Variants in GABRB2 observed in about 807,000 individuals in gnomAD.
GABRB2 encodes the protein gamma-aminobutyric acid receptor subunit beta-2.
GABRB2 carries 16 observed loss-of-function variants against 54.7 expected under a neutral mutation model. That is an observed-to-expected ratio of 0.29 (90% confidence interval 0.20 to 0.44). The LOEUF is 0.44. GABRB2 is among the 20% of genes least tolerant of loss of function. The pLI is 1.00. For synonymous variants in GABRB2, 244 were observed against 233.8 expected (o/e 1.04, Z -0.40); for missense variants, 355 against 644.0 (o/e 0.55, Z 4.86).
In GABRB2 at chr5:161,441,715, CA is replaced by C. The variant is rs1757470550; in HGVS notation, c.458+17908del. ...TGGAAGCAACCTAACTGTCCATCAA[CA>C]GATGAATGAATAAAGAAAATGTGAT... On this transcript the variant is annotated intron_variant, in intron 4 of 9. Coordinates refer to ENST00000393959, the MANE Select transcript of GABRB2 (RefSeq NM_001371727.1). Among the ~76,000 whole-genome samples, 4 of 152,096 alleles carry C rather than the reference CA, an allele frequency of 2.6e-5. No homozygotes were observed. The South Asian group carries it at 8.3e-4, about 32-fold the overall frequency.
intron 3 of GABRB2, among the ~76,000 whole-genome samples, chr5:161,499,443 G>A (rs965373770): frequency 6.6e-6 from 1 of 152,094 alleles, no homozygotes; most frequent in Non-Finnish European, 1.5e-5. Context: ...CTTGTCAGCT[G>A]TGAAAGTTCA....
intron 7 of GABRB2, among the ~76,000 whole-genome samples, chr5:161,332,684 C>G (rs2113401373): frequency 6.6e-6 from 1 of 152,286 alleles, no homozygotes; most frequent in Non-Finnish European, 1.5e-5. Flanking sequence ...CTTTCTGACT[C>G]AGGAATCCAG....
intron 4 of GABRB2, among the ~76,000 whole-genome samples, chr5:161,454,590 T>A (rs1757894579): frequency 6.6e-6 from 1 of 152,180 alleles, no homozygotes; most frequent in Non-Finnish European, 1.5e-5. Context: ...AAATATTAAG[T>A]GGTACTGAGC....
intron 9 of GABRB2, among the ~76,000 whole-genome samples, chr5:161,296,664 TA>T (rs33932697): frequency 0.16 from 23,550 of 150,504 alleles, 2,783 homozygotes; most frequent in African/African-American, 0.32. Flanking sequence ...ATTCATGAAT[TA>T]AAAAAAAAAT....
At chr5:161,393,990 T>C (rs1340233126) in intron 5 of GABRB2, among the ~76,000 whole-genome samples, 1 of 152,044 alleles carries the variant, frequency 6.6e-6, no homozygotes, top group Admixed American at 6.6e-5. Context: ...TGGACAATTC[T>C]CCATAAATTT....
chr5:161,401,358 G>T (rs1015023251), intron 5 of GABRB2, among the ~76,000 whole-genome samples: 13 of 152,016 alleles, frequency 8.6e-5, no homozygotes, highest in African/African-American at 3.1e-4. Flanking sequence ...TGTACTTGGG[G>T]TCCCCTTTAC....
chr5:161,330,574 A>G (rs1753808497), intron 8 of GABRB2: 1 of 218,294 alleles, frequency 4.6e-6, no homozygotes, highest in Admixed American at 5.4e-5. Context: ...TTTTAAATAA[A>G]TTAGGTGAAT....
intron 5 of GABRB2, among the ~76,000 whole-genome samples, chr5:161,366,357 C>T (rs1010509447): frequency 2.6e-5 from 4 of 151,964 alleles, no homozygotes; most frequent in African/African-American, 9.7e-5. Flanking sequence ...TTGCTCTTAG[C>T]CATGAAATAG....
At chr5:161,518,501 TA>T (rs1760019139) in intron 3 of GABRB2, among the ~76,000 whole-genome samples, 1 of 152,178 alleles carries the variant, frequency 6.6e-6, no homozygotes, top group African/African-American at 2.4e-5. Context: ...TGGTTCATAG[TA>T]AAAAATCGCA....
At chr5:161,299,289 A>C (rs1200350226) in intron 9 of GABRB2, among the ~76,000 whole-genome samples, 1 of 152,164 alleles carries the variant, frequency 6.6e-6, no homozygotes, top group Non-Finnish European at 1.5e-5. Context: ...CTGTGGGTGT[A>C]GGCCAATCAG....
At chr5:161,417,198 T>C (rs963156192) in intron 4 of GABRB2, among the ~76,000 whole-genome samples, 2 of 152,232 alleles carry the variant, frequency 1.3e-5, no homozygotes, top group African/African-American at 4.8e-5. Flanking sequence ...TATGCTCTTA[T>C]GTTTTGTAGA....
chr5:161,489,969 C>T (rs549020743), intron 3 of GABRB2, among the ~76,000 whole-genome samples: 27 of 151,626 alleles, frequency 1.8e-4, no homozygotes, highest in Middle Eastern at 3.4e-3. Flanking sequence ...TCAGGGGATA[C>T]GGAAAATGAT....
chr5:161,387,268 T>A (rs1330848167), intron 5 of GABRB2, among the ~76,000 whole-genome samples: 2 of 152,038 alleles, frequency 1.3e-5, no homozygotes, highest in South Asian at 2.1e-4. Context: ...TATGTTGGAA[T>A]TGTTGGTATA....
intron 5 of GABRB2, among the ~76,000 whole-genome samples, chr5:161,408,750 G>C (rs1318359441): frequency 1.3e-5 from 2 of 151,956 alleles, no homozygotes; most frequent in Non-Finnish European, 2.9e-5. Flanking sequence ...GAAGGACAGA[G>C]AGAAGGATAA....
intron 5 of GABRB2, among the ~76,000 whole-genome samples, chr5:161,373,117 G>A (rs1047492612): frequency 1.1e-4 from 16 of 152,038 alleles, no homozygotes; most frequent in Non-Finnish European, 1.5e-5. Flanking sequence ...GCAAATGTGT[G>A]TTACATAAAG....
chr5:161,492,182 A>G (rs1008212778), intron 3 of GABRB2, among the ~76,000 whole-genome samples: 1 of 151,600 alleles, frequency 6.6e-6, no homozygotes, highest in African/African-American at 2.4e-5. Context: ...CTTAAAATTG[A>G]CTCATAAAAT....
rs138603109 is a variant in GABRB2, at chr5:161,399,439, T to A, written c.541+11536A>T. On this transcript the variant is annotated intron_variant, in intron 5 of 9. Transcript: ENST00000393959. ...ACTGGGTTGAATGGAGAGAGAAGTA[T>A]GGCACAGAACATCCGTTGTGCTAAT... Among the ~76,000 whole-genome samples, 487 of 152,244 alleles carry A rather than the reference T, an allele frequency of 3.2e-3. 1 individual carries two copies. Among genetic ancestry groups the A allele is most frequent in the African/African-American group, 0.01 (433 of 41,560 alleles).
At chr5:161,491,972 T>C (rs1342233104) in intron 3 of GABRB2, among the ~76,000 whole-genome samples, 2 of 151,684 alleles carry the variant, frequency 1.3e-5, no homozygotes, top group East Asian at 1.9e-4. Context: ...GAATGTGCTA[T>C]GGAGGGTGAC....
chr5:161,356,145 T>C (rs185500058), intron 5 of GABRB2, among the ~76,000 whole-genome samples: 1 of 152,276 alleles, frequency 6.6e-6, no homozygotes, highest in Admixed American at 6.5e-5. Flanking sequence ...AGTAAACTAA[T>C]GTTTTGTGAC....
Sources: allele counts gnomAD v4.1 joint callset (sites outside exome capture counted in the v4.1 genomes callset), GRCh38; gene constraint gnomAD v4.1.1; transcripts MANE v1.5; gene names NCBI Gene and HGNC (gene_info 2026-07-23, HGNC 2026-07-21).